The following DSCAM variants were observed in gnomAD, a reference collection of about 807,000 sequenced individuals.
DSCAM encodes cell adhesion molecule DSCAM.
In DSCAM, 47 loss-of-function variants were observed where a neutral mutation model predicts 217.7. The ratio of observed to expected loss-of-function variants is 0.22; its 90% CI spans 0.17 to 0.28. DSCAM has a LOEUF of 0.28. Ranked by LOEUF, DSCAM falls within the 10% of genes least tolerant of loss-of-function variation. The pLI is 1.00. For synonymous variants in DSCAM, 1,056 were observed against 1,015.3 expected (o/e 1.04, Z -0.76); for missense variants, 2,080 against 2,618.3 (o/e 0.79, Z 4.49).
intron 5 of DSCAM, among the ~76,000 whole-genome samples, chr21:40,348,740 G>A (rs900001697): frequency 9.9e-5 from 15 of 152,100 alleles, no homozygotes; most frequent in Non-Finnish European, 1.6e-4. Context: ...CATCCTCTTC[G>A]CTATTTTTTA....
At chr21:40,539,325 C>G (rs763604926) in intron 3 of DSCAM, among the ~76,000 whole-genome samples, 7 of 151,310 alleles carry the variant, frequency 4.6e-5, no homozygotes, top group Non-Finnish European at 8.8e-5. Context: ...ACGCCGTCGT[C>G]TCTACTAAAA....
chr21:40,334,101 T>C lies in DSCAM; in HGVS notation c.1783+4000A>G, dbSNP rs1225229373. Reference sequence around the variant, plus strand: ...AGCCTGACTGGGGGCTGGGGAAGCCTGTACATATGAAGTTAAAATCTGCGG... The same window carrying C: ...AGCCTGACTGGGGGCTGGGGAAGCCCGTACATATGAAGTTAAAATCTGCGG... On this transcript the variant is annotated intron_variant, in intron 8 of 32. Coordinates refer to ENST00000400454, the MANE Select transcript of DSCAM (RefSeq NM_001389.5). Among the ~76,000 whole-genome samples, 3 of 152,124 alleles carry C rather than the reference T, an allele frequency of 2.0e-5. No homozygotes were observed. In the East Asian group the frequency reaches 5.8e-4, roughly 29 times the overall value.
At chr21:40,645,557 T>C (rs908994496) in intron 3 of DSCAM, among the ~76,000 whole-genome samples, 8 of 152,142 alleles carry the variant, frequency 5.3e-5, no homozygotes, top group Non-Finnish European at 8.8e-5. Context: ...CTTATAACTA[T>C]AAGTAGTATG....
intron 3 of DSCAM, among the ~76,000 whole-genome samples, chr21:40,687,143 A>G (rs2090488364): frequency 6.6e-6 from 1 of 152,168 alleles, no homozygotes; most frequent in South Asian, 2.1e-4. Flanking sequence ...AAAGACAGAT[A>G]GCTAGGTAGA....
intron 20 of DSCAM, among the ~76,000 whole-genome samples, chr21:40,110,790 C>A (rs1342077436): frequency 6.6e-6 from 1 of 152,126 alleles, no homozygotes; most frequent in Non-Finnish European, 1.5e-5. Context: ...GTAGCTGATT[C>A]AATCAACTGG....
At chr21:40,111,537 G>A (rs112584163) in intron 20 of DSCAM, among the ~76,000 whole-genome samples, 1 of 152,142 alleles carries the variant, frequency 6.6e-6, no homozygotes, top group Non-Finnish European at 1.5e-5. Context: ...CTAACATCAT[G>A]ATGACAGGAT....
chr21:40,342,656 T>A lies in DSCAM; in HGVS notation c.1211-3241A>T, dbSNP rs551132907. 1.1e-3 allele frequency among the ~76,000 whole-genome samples: 146 copies of A among 133,800 alleles called. 2 individuals carry two copies. Among genetic ancestry groups the A allele is most frequent in the African/African-American group, 4.2e-3 (137 of 32,618 alleles). 87.8% of individuals were successfully genotyped at this position (133,800 alleles called of 152,430 possible). A position where few individuals can be genotyped will look rare whatever the true frequency, so the allele number is the denominator to read the frequency against. ...TATATATATATATATATATTTTTTTTTTTTTTTTGAGACAGTGTCTCTCTC... is the reference window on the plus strand; with the variant it reads ...TATATATATATATATATATTTTTTTATTTTTTTTGAGACAGTGTCTCTCTC... On this transcript the variant is annotated intron_variant, in intron 6 of 32. Coordinates refer to ENST00000400454, the MANE Select transcript of DSCAM (RefSeq NM_001389.5).
intron 16 of DSCAM, among the ~76,000 whole-genome samples, chr21:40,156,343 G>C (rs147859741): frequency 6.8e-6 from 1 of 147,698 alleles, no homozygotes; most frequent in African/African-American, 2.5e-5. Flanking sequence ...GAGAGAGAAA[G>C]GGGCTTGTAA....
chr21:40,136,970 C>T (rs1291016697), intron 18 of DSCAM, among the ~76,000 whole-genome samples: 10 of 151,868 alleles, frequency 6.6e-5, no homozygotes, highest in East Asian at 5.8e-4. Flanking sequence ...GTCAAGACAT[C>T]GAGACCATCC....
chr21:40,800,203 A>G (rs1485887069), intron 1 of DSCAM, among the ~76,000 whole-genome samples: 2 of 152,158 alleles, frequency 1.3e-5, no homozygotes, highest in Non-Finnish European at 2.9e-5. Context: ...GGACTTCTCA[A>G]CCTCCATAAC....
rs1329501944 is a variant in DSCAM, at chr21:40,175,770, A to AACACACACACACACAC, written c.2947+3156_2947+3157insGTGTGTGTGTGTGTGT. ...GGTTTAATCCAGCATATATTTTCTCAACACACACATACACACACACACACA... is the reference window on the plus strand; with the variant it reads ...GGTTTAATCCAGCATATATTTTCTCAACACACACACACACACACACACACATACACACACACACACA... On this transcript the variant is annotated intron_variant, in intron 15 of 32. Coordinates refer to ENST00000400454, the MANE Select transcript of DSCAM (RefSeq NM_001389.5). Among the ~76,000 whole-genome samples, 317 of 126,422 alleles carry AACACACACACACACAC rather than the reference A, an allele frequency of 2.5e-3. 9 individuals carry two copies. The highest frequency in any genetic ancestry group is 4.8e-3 in the African/African-American group (153 of 31,630). The allele number at this position is 126,422 out of a possible 152,430, so 82.9% of individuals were successfully genotyped here.
At chr21:40,337,720 C>T (rs1447240561) in intron 8 of DSCAM, among the ~76,000 whole-genome samples, 1 of 152,110 alleles carries the variant, frequency 6.6e-6, no homozygotes, top group Non-Finnish European at 1.5e-5. Flanking sequence ...ACAGAAAATC[C>T]CTTCCAGTGA....
chr21:40,517,545 T>C, intron 3 of DSCAM, among the ~76,000 whole-genome samples: 1 of 152,042 alleles, frequency 6.6e-6, no homozygotes, highest in East Asian at 1.9e-4. Flanking sequence ...ACTCAGGTAA[T>C]CTCTAAGCCC....
At chr21:40,425,924 A>G (rs2075470724) in intron 3 of DSCAM, among the ~76,000 whole-genome samples, 1 of 152,196 alleles carries the variant, frequency 6.6e-6, no homozygotes, top group Non-Finnish European at 1.5e-5. Context: ...ATATCTATCT[A>G]TATATAATAT....
At chr21:40,172,979 G>A (rs1005915020) in intron 15 of DSCAM, among the ~76,000 whole-genome samples, 10 of 152,056 alleles carry the variant, frequency 6.6e-5, no homozygotes, top group African/African-American at 2.4e-4. Flanking sequence ...GTGCCCAGAT[G>A]GGGAAAGGCT....
intron 1 of DSCAM, among the ~76,000 whole-genome samples, chr21:40,838,736 G>A (rs2092076284): frequency 6.6e-6 from 1 of 152,074 alleles, no homozygotes; most frequent in Non-Finnish European, 1.5e-5. Context: ...TTATCAAAAT[G>A]CCAATTTCAT....
chr21:40,436,322 T>C (rs1014552139), intron 3 of DSCAM, among the ~76,000 whole-genome samples: 1 of 152,208 alleles, frequency 6.6e-6, no homozygotes, highest in Non-Finnish European at 1.5e-5. Context: ...CTGAGATGGT[T>C]AGTTTACACA....
At chr21:40,190,395 G>A (rs2090941746) in intron 11 of DSCAM, among the ~76,000 whole-genome samples, 1 of 152,130 alleles carries the variant, frequency 6.6e-6, no homozygotes. Context: ...ATATATAATG[G>A]CGGTGCTTTG....
At chr21:40,318,486 T>TC (rs2074225311) in intron 8 of DSCAM, among the ~76,000 whole-genome samples, 1 of 152,154 alleles carries the variant, frequency 6.6e-6, no homozygotes, top group African/African-American at 2.4e-5. Context: ...GTGCCAACTC[T>TC]CCCCTCTGCT....
Sources: allele counts gnomAD v4.1 joint callset (sites outside exome capture counted in the v4.1 genomes callset), GRCh38; gene constraint gnomAD v4.1.1; transcripts MANE v1.5; gene names NCBI Gene and HGNC (gene_info 2026-07-23, HGNC 2026-07-21).